NKAIN2: variants seen among roughly 807,000 people sequenced by gnomAD.
NKAIN2 encodes the protein sodium/potassium transporting ATPase interacting 2, also known as sodium/potassium-transporting ATPase subunit beta-1-interacting protein 2.
In NKAIN2, 14 loss-of-function variants were observed where a neutral mutation model predicts 32.6. That is an observed-to-expected ratio of 0.43 (90% CI 0.28 to 0.67). NKAIN2 has a LOEUF of 0.67. Among genes scored for constraint, NKAIN2 ranks in the 30% least tolerant of loss-of-function variants. The pLI is 0.17. For synonymous variants in NKAIN2, 80 were observed against 87.2 expected, an observed-to-expected ratio of 0.92 and a Z score of 0.46; for missense variants, 198 against 258.3, an observed-to-expected ratio of 0.77 and a Z score of 1.60.
intron 3 of NKAIN2, among the ~76,000 whole-genome samples, chr6:124,436,937 C>T (rs1053917796): frequency 6.6e-6 from 1 of 152,142 alleles, no homozygotes. Context: ...CCTTTATCAC[C>T]TCTCTTCGCT....
chr6:124,316,307 T>C (rs754167927), intron 2 of NKAIN2, among the ~76,000 whole-genome samples: 10 of 152,094 alleles, frequency 6.6e-5, no homozygotes, highest in Non-Finnish European at 1.2e-4. Context: ...AAAATCAACA[T>C]AGTCATAAAT....
chr6:124,646,571 T>A (rs1458406921), intron 3 of NKAIN2, among the ~76,000 whole-genome samples: 2 of 152,136 alleles, frequency 1.3e-5, no homozygotes, highest in East Asian at 3.8e-4. Flanking sequence ...ACAAGCTAAA[T>A]GAAAAACAGC....
At chr6:123,989,315 A>C in intron 1 of NKAIN2, among the ~76,000 whole-genome samples, 1 of 152,340 alleles carries the variant, frequency 6.6e-6, no homozygotes, top group African/African-American at 2.4e-5. Context: ...ATATATGATT[A>C]AAATAATTTT....
chr6:124,682,790 T>C (rs1773685218), intron 4 of NKAIN2, among the ~76,000 whole-genome samples: 1 of 152,172 alleles, frequency 6.6e-6, no homozygotes, highest in Non-Finnish European at 1.5e-5. Flanking sequence ...TAAAACAACG[T>C]CTTTTTTTTA....
chr6:124,068,373 T>C (rs1783289256), intron 1 of NKAIN2, among the ~76,000 whole-genome samples: 2 of 152,224 alleles, frequency 1.3e-5, no homozygotes, highest in Admixed American at 1.3e-4. Context: ...TCTAGGCAAC[T>C]CTATTTCAGC....
chr6:124,681,956 G>A (rs192630958), intron 4 of NKAIN2, among the ~76,000 whole-genome samples: 1 of 151,976 alleles, frequency 6.6e-6, no homozygotes, highest in African/African-American at 2.4e-5. Context: ...AACAGAGGGA[G>A]AAGAAAATAT....
intron 1 of NKAIN2, among the ~76,000 whole-genome samples, chr6:123,953,047 G>A (rs1343746603): frequency 6.6e-6 from 1 of 152,172 alleles, no homozygotes; most frequent in African/African-American, 2.4e-5. Flanking sequence ...ACATTTTGCT[G>A]AAGTTATGTC....
intron 1 of NKAIN2, among the ~76,000 whole-genome samples, chr6:124,137,213 A>C (rs1044076037): frequency 1.3e-5 from 2 of 152,162 alleles, no homozygotes; most frequent in Admixed American, 1.3e-4. Context: ...ATACACCAAC[A>C]ACAACCAAAC....
At chr6:124,588,571 A>G (rs1349950878) in intron 3 of NKAIN2, among the ~76,000 whole-genome samples, 1 of 152,206 alleles carries the variant, frequency 6.6e-6, no homozygotes, top group Non-Finnish European at 1.5e-5. Flanking sequence ...TCAGTTCAAT[A>G]AATGAAATTC....
chr6:124,115,331 C>T (rs1267815434), intron 1 of NKAIN2, among the ~76,000 whole-genome samples: 2 of 152,060 alleles, frequency 1.3e-5, no homozygotes, highest in Non-Finnish European at 2.9e-5. Context: ...AGAAAGGCTG[C>T]TCCTCTTTAC....
chr6:124,705,798 G>T (rs924176102), intron 4 of NKAIN2, among the ~76,000 whole-genome samples: 1 of 152,040 alleles, frequency 6.6e-6, no homozygotes, highest in South Asian at 2.1e-4. Context: ...GCTCAAAATA[G>T]TACGGGTTAG....
At chr6:124,304,863 A>G (rs916349008) in intron 2 of NKAIN2, among the ~76,000 whole-genome samples, 10 of 152,134 alleles carry the variant, frequency 6.6e-5, no homozygotes, top group African/African-American at 2.4e-4. Flanking sequence ...GTAGTGAGCC[A>G]AGATCATGCC....
At chr6:124,232,925 G>A (rs9388310) in intron 1 of NKAIN2, among the ~76,000 whole-genome samples, 74 of 152,098 alleles carry the variant, frequency 4.9e-4, no homozygotes, top group Admixed American at 4.3e-3. Context: ...TATGTTATTC[G>A]GTAAAAACAA....
intron 1 of NKAIN2, among the ~76,000 whole-genome samples, chr6:124,055,817 A>C (rs1359096803): frequency 1.3e-5 from 2 of 152,106 alleles, no homozygotes; most frequent in Non-Finnish European, 2.9e-5. Context: ...TTTAGGAAAT[A>C]AATGCCAGAA....
At chr6:124,728,787 T>C (rs1260751493) in intron 4 of NKAIN2, among the ~76,000 whole-genome samples, 1 of 151,808 alleles carries the variant, frequency 6.6e-6, no homozygotes, top group Non-Finnish European at 1.5e-5. Flanking sequence ...TTTGAAAGGA[T>C]TAACAAAATT....
intron 1 of NKAIN2, among the ~76,000 whole-genome samples, chr6:123,952,237 G>A (rs1002470830): frequency 6.6e-6 from 1 of 152,088 alleles, no homozygotes; most frequent in African/African-American, 2.4e-5. Context: ...CTCCTGGCCT[G>A]TAGAATTTCT....
chr6:123,924,705 C>T (rs867585407), intron 1 of NKAIN2, among the ~76,000 whole-genome samples: 21 of 152,124 alleles, frequency 1.4e-4, no homozygotes, highest in Admixed American at 5.9e-4. Context: ...GGACTGGACT[C>T]AATGATATCT....
chr6:124,162,492 A>C (rs1184804084), intron 1 of NKAIN2, among the ~76,000 whole-genome samples: 1 of 152,140 alleles, frequency 6.6e-6, no homozygotes, highest in Non-Finnish European at 1.5e-5. Context: ...TGAACTATGC[A>C]TGTGTATAGC....
At chr6:124,327,725 T>C (rs956037133) in intron 2 of NKAIN2, among the ~76,000 whole-genome samples, 2 of 152,102 alleles carry the variant, frequency 1.3e-5, no homozygotes, top group Non-Finnish European at 2.9e-5. Context: ...ATAAAATTAT[T>C]TTGTGTTATA....
Sources: gnomAD v4.1 joint callset for allele counts (sites outside exome capture counted in the v4.1 genomes callset) on GRCh38, gnomAD v4.1.1 for gene constraint, MANE v1.5 for transcripts, NCBI Gene and HGNC (gene_info 2026-07-23, HGNC 2026-07-21) for gene names.